Variants in EMP1 observed in about 807,000 individuals in gnomAD.
EMP1 encodes the protein epithelial membrane protein 1, also known as tumor-associated membrane protein.
A neutral mutation model predicts 15.7 loss-of-function variants in EMP1; 5 were observed. That is an observed-to-expected ratio of 0.32 (90% CI 0.17 to 0.67). EMP1 has a LOEUF of 0.67. Among genes scored for constraint, EMP1 ranks in the 30% least tolerant of loss-of-function variants. The probability of loss-of-function intolerance (pLI) is 0.74; values close to 1 mark genes in which losing one functional copy is unlikely to be tolerated. For missense variants in EMP1, 166 were observed against 194.2 expected, an observed-to-expected ratio of 0.85 and a Z score of 0.86; for synonymous variants, 78 against 76.7, an observed-to-expected ratio of 1.02 and a Z score of -0.09.
intron 1 of EMP1, chr12:13,209,191 G>A (rs1405568988): frequency 6.6e-6 from 1 of 152,352 alleles, no homozygotes; most frequent in Non-Finnish European, 1.5e-5. Context: ...TTAAACATAA[G>A]TATTCGTTAT....
At position 13,211,445 on chromosome 12, in the gene EMP1, T is replaced by C; in HGVS notation, c.-42-24T>C. 6.4e-7 allele frequency: 1 copy of C among 1,556,910 alleles called. No individual in the cohort carries two copies. The highest frequency in any genetic ancestry group is 2.2e-5 in the East Asian group (1 of 44,612). ...TTATTGAATCTGACAGTAACCGTTT[T>C]TGTCCCTTTCTTTTTCTTTTCAGAA... On this transcript the variant is annotated intron_variant, in intron 1 of 4. Transcript: ENST00000256951. The surrounding 1 kb of genome is among the most constrained non-coding windows in gnomAD (Gnocchi z 4.7).
intron 1 of EMP1, among the ~76,000 whole-genome samples, chr12:13,210,952 A>G (rs887647775): frequency 6.6e-5 from 10 of 152,252 alleles, no homozygotes; most frequent in South Asian, 2.1e-4. Context: ...CCTATTCAGT[A>G]TATGGGCATT....
chr12:13,208,166 C>A (rs1242190396), intron 1 of EMP1, among the ~76,000 whole-genome samples: 1 of 152,138 alleles, frequency 6.6e-6, no homozygotes, highest in Non-Finnish European at 1.5e-5. Flanking sequence ...GGTATAAATT[C>A]TCATAAATGG....
chr12:13,206,437 T>TC (rs915714899), intron 1 of EMP1, among the ~76,000 whole-genome samples: 7 of 152,284 alleles, frequency 4.6e-5, no homozygotes, highest in African/African-American at 1.7e-4. Context: ...AGTGTTTGCA[T>TC]CGTCTTCAGC....
intron 1 of EMP1, among the ~76,000 whole-genome samples, chr12:13,206,546 G>A (rs1484441939): frequency 6.6e-6 from 1 of 152,218 alleles, no homozygotes; most frequent in African/African-American, 2.4e-5. Context: ...CACTGGGGAA[G>A]TGGGTTTTTG....
At position 13,217,885 on chromosome 12, in the gene EMP1, A is replaced by G. The variant is rs1864228525; in HGVS notation, c.*3194A>G. 1 of 152,208 alleles carries G rather than the reference A, an allele frequency of 6.6e-6. No homozygotes were observed. The highest frequency in any genetic ancestry group is 6.5e-5 in the Admixed American group (1 of 15,280). 9.4% of individuals were successfully genotyped at this position (152,208 alleles called of 1,614,324 possible). The stretch of plus-strand genomic sequence containing the variant: ...ATGATTTTGAAGGCAGGCAAGCCCA[A>G]AGTCTGCAAGGGGTGGGCCAGCAGA... On this transcript the variant is annotated 3_prime_UTR_variant, in exon 5 of 5. Coordinates refer to ENST00000256951, the MANE Select transcript of EMP1 (RefSeq NM_001423.3).
chr12:13,211,165 G>A lies in EMP1; in HGVS notation c.-42-304G>A, dbSNP rs1324908051. ...CTAAAACACAAACAAAATAAAATAC[G>A]AACAGTTATCATAAAATGTTCTTGT... On this transcript the variant is annotated intron_variant, in intron 1 of 4. Coordinates refer to ENST00000256951, the MANE Select transcript of EMP1 (RefSeq NM_001423.3). The surrounding 1 kb of genome is among the most constrained non-coding windows in gnomAD (Gnocchi z 4.7). 2.0e-5 allele frequency among the ~76,000 whole-genome samples: 3 copies of A among 152,068 alleles called. No homozygotes were observed. The highest frequency in any genetic ancestry group is 4.8e-5 in the African/African-American group (2 of 41,416).
At position 13,211,913 on chromosome 12, in the gene EMP1, G is replaced by C. The variant is rs140741912; in HGVS notation, c.78+325G>C. On this transcript the variant is annotated intron_variant, in intron 2 of 4. Transcript: ENST00000256951. The surrounding 1 kb of genome is among the most constrained non-coding windows in gnomAD (Gnocchi z 4.7). ...GAACCTGGAGGAGTGGTAGATGGCTGAGGTTTCTCTTAGTGAAAGAGGGAA... is the reference window on the plus strand; with the variant it reads ...GAACCTGGAGGAGTGGTAGATGGCTCAGGTTTCTCTTAGTGAAAGAGGGAA... 9.7e-4 allele frequency: 312 copies of C among 321,212 alleles called. 1 individual carries two copies. Among genetic ancestry groups the C allele is most frequent in the African/African-American group, 5.5e-3 (257 of 46,470 alleles). The allele number at this position is 321,212 out of a possible 1,614,324, so 19.9% of individuals were successfully genotyped here. A position where few individuals can be genotyped will look rare whatever the true frequency, so the allele number is the denominator to read the frequency against.
At chr12:13,208,866 A>G (rs573235278) in intron 1 of EMP1, among the ~76,000 whole-genome samples, 2 of 152,304 alleles carry the variant, frequency 1.3e-5, no homozygotes, top group South Asian at 4.1e-4. Context: ...GCACTCGCAC[A>G]CACCACCAGG....
intron 1 of EMP1, among the ~76,000 whole-genome samples, chr12:13,201,573 G>A (rs1031228838): frequency 6.6e-6 from 1 of 152,158 alleles, no homozygotes; most frequent in African/African-American, 2.4e-5. Flanking sequence ...GCAACGTGTG[G>A]CATTGAAAAG....
At chr12:13,202,734 T>C (rs1864076933) in intron 1 of EMP1, among the ~76,000 whole-genome samples, 2 of 152,124 alleles carry the variant, frequency 1.3e-5, no homozygotes, top group Non-Finnish European at 1.5e-5. Context: ...AGCAGTGGCC[T>C]CGGAAGACCC....
chr12:13,211,766 G>A lies in EMP1; in HGVS notation c.78+178G>A. 1.5e-6 allele frequency: 1 copy of A among 664,788 alleles called. No homozygotes were observed. Among genetic ancestry groups the A allele is most frequent in the Non-Finnish European group, 2.6e-6 (1 of 391,758 alleles). 41.2% of individuals were successfully genotyped at this position (664,788 alleles called of 1,614,324 possible). On this transcript the variant is annotated intron_variant, in intron 2 of 4. Transcript: ENST00000256951. This position sits in a 1 kb window ranked among gnomAD's most constrained non-coding sequence, Gnocchi z 4.7. ...ACAATTAAATAACAGGAGGATAAAA[G>A]TGAATGTCCACAGGAGTAATCCTGC...
At chr12:13,204,312 A>T (rs910298983) in intron 1 of EMP1, among the ~76,000 whole-genome samples, 1 of 152,122 alleles carries the variant, frequency 6.6e-6, no homozygotes, top group Non-Finnish European at 1.5e-5. Flanking sequence ...AGTACACTTG[A>T]TATAAAACAA....
rs893354750 is a variant in EMP1, at chr12:13,214,906, C to T, written c.*215C>T. On this transcript the variant is annotated 3_prime_UTR_variant, in exon 5 of 5. Coordinates refer to ENST00000256951, the MANE Select transcript of EMP1 (RefSeq NM_001423.3). ...AGTAGTTGGCTAGTACTTTGATGCT[C>T]CCTTGATGGGGTCCAGAGAGCCTCC... 1.0e-4 allele frequency: 52 copies of T among 496,740 alleles called. 1 individual carries two copies. Among genetic ancestry groups the T allele is most frequent in the Middle Eastern group, 5.9e-4 (1 of 1,708 alleles). The allele number at this position is 496,740 out of a possible 1,614,324, so 30.8% of individuals were successfully genotyped here.
chr12:13,197,311 T>G (rs7132172), intron 1 of EMP1, among the ~76,000 whole-genome samples: 1 of 152,016 alleles, frequency 6.6e-6, no homozygotes, highest in Non-Finnish European at 1.5e-5. Context: ...ACTGTTACTC[T>G]GCTCGCTGGT....
intron 1 of EMP1, among the ~76,000 whole-genome samples, chr12:13,199,689 C>T (rs1255529473): frequency 2.0e-5 from 3 of 152,134 alleles, no homozygotes; most frequent in African/African-American, 4.8e-5. Flanking sequence ...TTTCCAGATG[C>T]GGGGAGCTCA....
At position 13,216,036 on chromosome 12, in the gene EMP1, C is replaced by G. The variant is rs7966078; in HGVS notation, c.*1345C>G. ...TTGTGGTACCTAGTCAGATGGTAGA[C>G]GAGCTGTCTGCTGCCGCAGGAGCAC... is the stretch of plus-strand genomic sequence containing the variant. On this transcript the variant is annotated 3_prime_UTR_variant, in exon 5 of 5. Transcript: ENST00000256951. The G allele has an allele frequency of 3.3e-4, 60 of 181,508 alleles. No homozygotes were observed. Among genetic ancestry groups the G allele is most frequent in the Non-Finnish European group, 5.4e-4 (47 of 86,796 alleles). 11.2% of individuals were successfully genotyped at this position (181,508 alleles called of 1,614,324 possible). A position where few individuals can be genotyped will look rare whatever the true frequency, so the allele number is the denominator to read the frequency against.
At chr12:13,205,152 G>T (rs1335569508) in intron 1 of EMP1, among the ~76,000 whole-genome samples, 1 of 152,218 alleles carries the variant, frequency 6.6e-6, no homozygotes, top group Non-Finnish European at 1.5e-5. Flanking sequence ...ATTTGTAGAT[G>T]ACTTTCTTGA....
At chr12:13,204,381 C>T (rs1864092010) in intron 1 of EMP1, among the ~76,000 whole-genome samples, 1 of 152,318 alleles carries the variant, frequency 6.6e-6, no homozygotes, top group South Asian at 2.1e-4. Context: ...TGCCTTTAAT[C>T]CCAGTCTTTT....
Sources: allele counts gnomAD v4.1 joint callset (sites outside exome capture counted in the v4.1 genomes callset), GRCh38; gene constraint gnomAD v4.1.1; non-coding constraint Gnocchi (gnomAD v3.1); transcripts MANE v1.5; gene names NCBI Gene and HGNC (gene_info 2026-07-23, HGNC 2026-07-21).